Variants in BSN observed in about 807,000 individuals in gnomAD.
BSN encodes bassoon presynaptic cytomatrix protein.
Under a neutral mutation model 264.8 loss-of-function variants are expected in BSN, and 57 were observed. The observed-to-expected ratio is 0.22, with a 90% CI of 0.17 to 0.27. The LOEUF (loss-of-function observed/expected upper bound fraction) is 0.27. Ranked by LOEUF, BSN falls within the 10% of genes least tolerant of loss-of-function variation. The pLI is 1.00. For synonymous variants in BSN, 2,059 were observed against 2,137.3 expected (o/e 0.96, Z 1.01); for missense variants, 4,615 against 5,232.5 (o/e 0.88, Z 3.64).
In BSN at chr3:49,654,566, A is replaced by G. The variant is rs2052577979; in HGVS notation, c.5010A>G (p.Thr1670=). 3 of 1,611,282 alleles carry G rather than the reference A, an allele frequency of 1.9e-6. No homozygotes were observed. The highest frequency in any genetic ancestry group is 2.5e-6 in the Non-Finnish European group (3 of 1,178,390). ...GCACTGCAGTGGTAGACCTCCGTAC[A>G]GCTGTCAAGCCCACTCCCATCATCC... is the stretch of plus-strand genomic sequence containing the variant. ...TPGTAVVDLR[T]AVKPTPIILT... is the part of the protein sequence containing the mutation. The change falls in exon 5 of 12, where the codon ACA becomes ACG. Residue 1670 remains threonine (T), a synonymous_variant. Transcript: ENST00000296452. This position sits in a 1 kb window ranked among gnomAD's most constrained non-coding sequence, Gnocchi z 4.1.
chr3:49,560,689 C>G (rs180733840), intron 1 of BSN, among the ~76,000 whole-genome samples: 1 of 152,160 alleles, frequency 6.6e-6, no homozygotes. Context: ...AGCACTTGCC[C>G]GAGCTCCTTT....
chr3:49,609,496 T>C (rs1426642356), intron 1 of BSN, among the ~76,000 whole-genome samples: 15 of 152,138 alleles, frequency 9.9e-5, no homozygotes, highest in Admixed American at 9.8e-4. Flanking sequence ...CAGGTATCCC[T>C]GCCAACGGCA....
At position 49,655,856 on chromosome 3, in the gene BSN, C is replaced by T. The variant is rs1288711622; in HGVS notation, c.6300C>T (p.Arg2100=). ...YSATTAREIS[R]MCAALNSMDQ... is the part of the protein sequence containing the mutation. ...CCACCACAGCCCGTGAAATCAGTCG[C>T]ATGTGCGCTGCCCTCAACTCCATGG... The change falls in exon 5 of 12, where the codon CGC becomes CGT. Residue 2100 remains arginine (R), a synonymous_variant. Coordinates refer to ENST00000296452, the MANE Select transcript of BSN (RefSeq NM_003458.4). The T allele has an allele frequency of 1.2e-6, 2 of 1,613,284 alleles. No individual in the cohort carries two copies. The highest frequency in any genetic ancestry group is 4.5e-5 in the East Asian group (2 of 44,882).
chr3:49,653,538 T>G lies in BSN; in HGVS notation c.3982T>G (p.Ser1328Ala), dbSNP rs772212480. The change falls in exon 5 of 12, where the codon TCC becomes GCC. Residue 1328 changes from serine to alanine, a missense_variant. Around this residue, in one of 3 missense-constraint regions of BSN, gnomAD observed 3,415 missense variants for 3,866.4 expected, o/e 0.88. Transcript: ENST00000296452. This position sits in a 1 kb window ranked among gnomAD's most constrained non-coding sequence, Gnocchi z 6.3. ...AAPVSFSTPT[S>A]SDSSGGRVIP... Reference sequence around the variant, plus strand: ...CCCTGTGTCCTTCTCTACCCCCACCTCCTCAGACAGCAGCGGGGGCCGAGT... The same window carrying G: ...CCCTGTGTCCTTCTCTACCCCCACCGCCTCAGACAGCAGCGGGGGCCGAGT... 5.0e-6 allele frequency: 8 copies of G among 1,613,502 alleles called. No individual in the cohort carries two copies. Among genetic ancestry groups the G allele is most frequent in the African/African-American group, 1.3e-5 (1 of 74,772 alleles).
At position 49,660,420 on chromosome 3, in the gene BSN, AC is replaced by A; in HGVS notation, c.8641-62del. 6.6e-7 allele frequency: 1 copy of A among 1,505,938 alleles called. No individual in the cohort carries two copies. Among genetic ancestry groups the A allele is most frequent in the Non-Finnish European group, 8.9e-7 (1 of 1,128,334 alleles). The allele number at this position is 1,505,938 out of a possible 1,614,324, so 93.3% of individuals were successfully genotyped here. On this transcript the variant is annotated intron_variant, in intron 5 of 11. Transcript: ENST00000296452. The surrounding 1 kb of genome is among the most constrained non-coding windows in gnomAD (Gnocchi z 7.1). ...CCCCAGCCCAGGCCTGGGTTCTGCC[AC>A]CCCACACCCCATCAAGTCACCACAC...
At chr3:49,630,089 CG>C (rs962435417) in intron 2 of BSN, among the ~76,000 whole-genome samples, 10 of 152,252 alleles carry the variant, frequency 6.6e-5, no homozygotes, top group Non-Finnish European at 1.2e-4. Flanking sequence ...CCAGATGGCT[CG>C]GGGGTGGTGC....
chr3:49,598,637 G>T (rs2052044401), intron 1 of BSN, among the ~76,000 whole-genome samples: 1 of 151,978 alleles, frequency 6.6e-6, no homozygotes, highest in Admixed American at 6.6e-5. Context: ...TTTTGCCCAG[G>T]TTGGAGTGAT....
Position 49,653,397 on chromosome 3 carries a change from G to T in BSN, c.3841G>T (p.Ala1281Ser). Residue 1281 changes from alanine to serine, a missense_variant, in exon 5 of 12, where the codon GCT becomes TCT. This residue lies in a region of BSN where 3,415 missense variants were observed against 3,866.4 expected (regional missense o/e 0.88). Transcript: ENST00000296452. The surrounding 1 kb of genome is among the most constrained non-coding windows in gnomAD (Gnocchi z 6.3). ...GGCCTCCTCACGAGACCTGGCTTTT[G>T]CTGAGGACAAAAAGAAGGAGAAGCA... ...RQASSRDLAF[A>S]EDKKKEKQFL... The T allele has an allele frequency of 6.2e-7, 1 of 1,613,812 alleles. No homozygotes were observed.
chr3:49,620,403 C>T (rs1034026360), intron 1 of BSN, among the ~76,000 whole-genome samples: 6 of 148,808 alleles, frequency 4.0e-5, no homozygotes, highest in African/African-American at 7.5e-5. Flanking sequence ...CCAGCCTGGG[C>T]GACAGAGTGA....
rs1409660606 is a variant in BSN at position 49,658,111 on chromosome 3, AC to A, written c.8558del (p.Pro2853LeufsTer41). The A allele has an allele frequency of 6.2e-7, 1 of 1,612,296 alleles. No individual in the cohort carries two copies. Among genetic ancestry groups the A allele is most frequent in the African/African-American group, 1.3e-5 (1 of 74,976 alleles). On this transcript the variant is annotated frameshift_variant, in exon 5 of 12. Coordinates refer to ENST00000296452, the MANE Select transcript of BSN (RefSeq NM_003458.4). LOFTEE classifies it high-confidence loss of function. ...AAGACCCTGCAGCGGTCCCTGTCTG[AC>A]CCTAAGCCCCTCAGCCCCACCGCCG... ...PMKTLQRSLS[D>X]PKPLSPTAEE...
rs1423286008 is a variant in BSN at position 49,605,854 on chromosome 3, TA to T, written c.225-19119del. Among the ~76,000 whole-genome samples the T allele has an allele frequency of 5.5e-5, 3 of 54,262 alleles. No homozygotes were observed. In the East Asian group the frequency reaches 1.1e-3, roughly 20 times the overall value. 35.6% of individuals were successfully genotyped at this position (54,262 alleles called of 152,430 possible). On this transcript the variant is annotated intron_variant, in intron 1 of 11. Coordinates refer to ENST00000296452, the MANE Select transcript of BSN (RefSeq NM_003458.4). ...AGATATAAATATATATATTTATATATAATATATTTATATCTATTTATATATA... is the reference window on the plus strand; with the variant it reads ...AGATATAAATATATATATTTATATATATATATTTATATCTATTTATATATA...
chr3:49,669,916 C>T lies in BSN; in HGVS notation c.*2431C>T, dbSNP rs1349026188. ...GAGCCAGGAGTGCGGCAGGCAGTAC[C>T]TGCCTGACCCTTCAAGGCCTGACCT... On this transcript the variant is annotated 3_prime_UTR_variant, in exon 12 of 12. Coordinates refer to ENST00000296452, the MANE Select transcript of BSN (RefSeq NM_003458.4). 2.0e-5 allele frequency: 3 copies of T among 152,692 alleles called. No homozygotes were observed. The East Asian group carries it at 5.8e-4, about 29-fold the overall frequency. 9.5% of individuals were successfully genotyped at this position (152,692 alleles called of 1,614,324 possible). A position where few individuals can be genotyped will look rare whatever the true frequency, so the allele number is the denominator to read the frequency against.
intron 11 of BSN, among the ~76,000 whole-genome samples, chr3:49,667,308 CA>C (rs34434564): frequency 0.55 from 64,562 of 118,026 alleles, 16,195 homozygotes; most frequent in East Asian, 0.91. Flanking sequence ...ACTCTTAAGC[CA>C]AAAAAAAAAA....
At chr3:49,596,771 CTG>C (rs1025265213) in intron 1 of BSN, among the ~76,000 whole-genome samples, 55 of 152,178 alleles carry the variant, frequency 3.6e-4, no homozygotes, top group Admixed American at 3.6e-3. Context: ...AGTGATCATG[CTG>C]TCTCAGCCTC....
intron 1 of BSN, among the ~76,000 whole-genome samples, chr3:49,593,833 C>T (rs1414469106): frequency 8.6e-5 from 11 of 128,624 alleles, no homozygotes; most frequent in Non-Finnish European, 1.3e-4. Flanking sequence ...GATGGAGTCT[C>T]GCTCTATCGC....
chr3:49,624,300 C>CTTTTTTTTTTTTTTTTTT lies in BSN; in HGVS notation c.225-658_225-657insTTTTTTTTTTTTTTTTTT, dbSNP rs71080542. Among the ~76,000 whole-genome samples, 9 of 67,190 alleles carry CTTTTTTTTTTTTTTTTTT rather than the reference C, an allele frequency of 1.3e-4. 4 individuals are homozygous for CTTTTTTTTTTTTTTTTTT. The highest frequency in any genetic ancestry group is 1.0e-3 in the East Asian group (2 of 1,952). 44.1% of individuals were successfully genotyped at this position (67,190 alleles called of 152,430 possible). On this transcript the variant is annotated intron_variant, in intron 1 of 11. Coordinates refer to ENST00000296452, the MANE Select transcript of BSN (RefSeq NM_003458.4). ...CCAGGCGTGAGCCAACGTGCCCAGC[C>CTTTTTTTTTTTTTTTTTT]TTTTTTTTTTTTTTTTTAGACAGGG...
In BSN at chr3:49,663,438, G is replaced by A. The variant is rs372790706; in HGVS notation, c.11280G>A (p.Gln3760=). Reference sequence around the variant, plus strand: ...CAGCTCCAGGACCACAGCAGTCACAGTCACCATCATCCAGGCAAATACCCT... The same window carrying A: ...CAGCTCCAGGACCACAGCAGTCACAATCACCATCATCCAGGCAAATACCCT... The part of the protein sequence containing the change: ...RQAAPGPQQS[Q]SPSSRQIPSG... The change falls in exon 7 of 12, where the codon CAG becomes CAA. Residue 3760 remains glutamine, a synonymous_variant. Transcript: ENST00000296452. 3.1e-6 allele frequency: 5 copies of A among 1,612,868 alleles called. No homozygotes were observed. The highest frequency in any genetic ancestry group is 1.3e-5 in the African/African-American group (1 of 74,956).
Position 49,669,545 on chromosome 3 carries a change from C to T in BSN, c.*2060C>T, listed in dbSNP as rs2052740473. The T allele has an allele frequency of 1.3e-5, 2 of 152,604 alleles. No individual in the cohort carries two copies. Among genetic ancestry groups the T allele is most frequent in the African/African-American group, 2.4e-5 (1 of 41,448 alleles). The allele number at this position is 152,604 out of a possible 1,614,324, so 9.5% of individuals were successfully genotyped here. On this transcript the variant is annotated 3_prime_UTR_variant, in exon 12 of 12. Coordinates refer to ENST00000296452, the MANE Select transcript of BSN (RefSeq NM_003458.4). ...GGCAAGAGCAGAGCCAGGCTGTGCC[C>T]GAGGGACCCCAGCTCTTGACTGCAC...
Position 49,651,529 on chromosome 3 carries a change from T to G in BSN, c.1987-14T>G. The stretch of plus-strand genomic sequence containing the variant: ...GCCATGGGGAGTCAGTGTCTGCTTT[T>G]CACCCTGCTGCAGGACCTGGTGGGC... On this transcript the variant is annotated splice_polypyrimidine_tract_variant and intron_variant, in intron 4 of 11. Coordinates refer to ENST00000296452, the MANE Select transcript of BSN (RefSeq NM_003458.4). The surrounding 1 kb of genome is among the most constrained non-coding windows in gnomAD (Gnocchi z 5.4). The G allele has an allele frequency of 5.2e-6, 8 of 1,541,472 alleles. No homozygotes were observed. The highest frequency in any genetic ancestry group is 7.0e-6 in the Non-Finnish European group (8 of 1,142,946).
Sources: allele counts gnomAD v4.1 joint callset (sites outside exome capture counted in the v4.1 genomes callset), GRCh38; gene constraint gnomAD v4.1.1; regional missense constraint gnomAD v4.1.1; non-coding constraint Gnocchi (gnomAD v3.1); transcripts MANE v1.5; gene names NCBI Gene and HGNC (gene_info 2026-07-23, HGNC 2026-07-21).